The following PCDH9 variants were observed in gnomAD, a reference collection of about 807,000 sequenced individuals.
PCDH9 encodes protocadherin 9, also known as protocadherin-9.
A neutral mutation model predicts 70.6 loss-of-function variants in PCDH9; 24 were observed. The ratio of observed to expected loss-of-function variants is 0.34; its 90% CI spans 0.25 to 0.48. The LOEUF is 0.48. Ranked by LOEUF, PCDH9 falls within the 20% of genes least tolerant of loss-of-function variation. The pLI, the probability that PCDH9 is intolerant of heterozygous loss-of-function variation, is 0.99. For missense variants in PCDH9, 1,281 were observed against 1,503.6 expected (o/e 0.85, Z 2.45); for synonymous variants, 562 against 558.5 (o/e 1.01, Z -0.09).
intron 2 of PCDH9, among the ~76,000 whole-genome samples, chr13:67,140,410 G>C (rs2087352538): frequency 6.6e-6 from 1 of 152,084 alleles, no homozygotes. Context: ...ACTAATTCAA[G>C]TGCTTTGATT....
chr13:66,872,518 A>G lies in PCDH9; in HGVS notation c.3138+30986T>C, dbSNP rs532760097. On this transcript the variant is annotated intron_variant, in intron 3 of 4. Coordinates refer to ENST00000377865, the MANE Select transcript of PCDH9 (RefSeq NM_203487.3). ...CATACAGTCCTAGGAAAAGGAGCAT[A>G]GTAAGTTAAAAAGTTTAAAAACAGC... 1.3e-4 allele frequency among the ~76,000 whole-genome samples: 20 copies of G among 152,284 alleles called. No individual in the cohort carries two copies. In the East Asian group the frequency reaches 3.7e-3, roughly 28 times the overall value.
At chr13:66,689,842 T>C (rs774033186) in intron 3 of PCDH9, among the ~76,000 whole-genome samples, 1 of 152,172 alleles carries the variant, frequency 6.6e-6, no homozygotes, top group Non-Finnish European at 1.5e-5. Context: ...AACAGTACTA[T>C]CCACTTGAGA....
At chr13:67,125,329 C>T (rs2086955700) in intron 2 of PCDH9, among the ~76,000 whole-genome samples, 1 of 152,068 alleles carries the variant, frequency 6.6e-6, no homozygotes, top group East Asian at 1.9e-4. Flanking sequence ...CCAGCGAAAA[C>T]ATAATAAAGG....
At chr13:66,660,399 C>T (rs1231883129) in intron 3 of PCDH9, among the ~76,000 whole-genome samples, 1 of 152,018 alleles carries the variant, frequency 6.6e-6, no homozygotes, top group African/African-American at 2.4e-5. Flanking sequence ...ATAAGGTCTC[C>T]TGAGAATATG....
chr13:66,997,606 C>T (rs1240918276), intron 2 of PCDH9, among the ~76,000 whole-genome samples: 3 of 152,188 alleles, frequency 2.0e-5, no homozygotes, highest in African/African-American at 7.2e-5. Context: ...ACAATCTTGG[C>T]TCACTGCAAA....
intron 3 of PCDH9, among the ~76,000 whole-genome samples, chr13:66,667,515 T>A (rs1331825752): frequency 6.6e-6 from 1 of 152,198 alleles, no homozygotes; most frequent in Non-Finnish European, 1.5e-5. Context: ...CTGCAAGTAC[T>A]GTACCTAGGC....
At chr13:66,307,321 A>G (rs1955485679) in intron 4 of PCDH9, among the ~76,000 whole-genome samples, 1 of 152,112 alleles carries the variant, frequency 6.6e-6, no homozygotes. Context: ...TCTACGAACA[A>G]TGTTAATTGT....
rs958491746 is a variant in PCDH9 at position 66,375,659 on chromosome 13, G to A, written c.3341-70631C>T. ...AAAACACTCTAAATTACAGGCAGAA[G>A]TAAGAAAGTGCATATAACAAATTGA... On this transcript the variant is annotated intron_variant, in intron 4 of 4. Coordinates refer to ENST00000377865, the MANE Select transcript of PCDH9 (RefSeq NM_203487.3). Among the ~76,000 whole-genome samples the A allele has an allele frequency of 3.9e-5, 6 of 152,032 alleles. 1 individual carries two copies. Among genetic ancestry groups the A allele is most frequent in the Admixed American group, 3.9e-4 (6 of 15,238 alleles).
chr13:66,942,182 AT>A (rs2139684427), intron 2 of PCDH9, among the ~76,000 whole-genome samples: 1 of 152,062 alleles, frequency 6.6e-6, no homozygotes, highest in South Asian at 2.1e-4. Context: ...TTTTAGAAAC[AT>A]TTATACCAGA....
intron 3 of PCDH9, among the ~76,000 whole-genome samples, chr13:66,725,537 T>C (rs1195176650): frequency 6.6e-6 from 1 of 152,208 alleles, no homozygotes; most frequent in Admixed American, 6.5e-5. Flanking sequence ...GACTATTGTT[T>C]AGACTGTGAT....
At chr13:66,683,865 G>A (rs1156622810) in intron 3 of PCDH9, among the ~76,000 whole-genome samples, 1 of 151,936 alleles carries the variant, frequency 6.6e-6, no homozygotes, top group East Asian at 1.9e-4. Flanking sequence ...TTTTCACACA[G>A]TCTCCCTAAA....
At chr13:66,758,796 C>T (rs1055766409) in intron 3 of PCDH9, among the ~76,000 whole-genome samples, 37 of 152,102 alleles carry the variant, frequency 2.4e-4, no homozygotes, top group Non-Finnish European at 2.1e-4. Context: ...ATTCAGTCCC[C>T]CTTACTCCTT....
At chr13:66,813,833 G>T (rs1025856906) in intron 3 of PCDH9, among the ~76,000 whole-genome samples, 2 of 151,984 alleles carry the variant, frequency 1.3e-5, no homozygotes, top group Admixed American at 1.3e-4. Flanking sequence ...TAAAATTCAG[G>T]TTCAAAAATA....
intron 4 of PCDH9, among the ~76,000 whole-genome samples, chr13:66,417,591 T>G (rs1231169409): frequency 6.6e-6 from 1 of 152,150 alleles, no homozygotes; most frequent in East Asian, 1.9e-4. Context: ...CACATTGTCT[T>G]CCAAAATGGT....
At chr13:67,156,793 C>G (rs1355882193) in intron 2 of PCDH9, among the ~76,000 whole-genome samples, 1 of 152,154 alleles carries the variant, frequency 6.6e-6, no homozygotes, top group Admixed American at 6.5e-5. Context: ...GGGGCTTCAG[C>G]TGTAAACATT....
chr13:66,910,374 A>G (rs1265065001), intron 2 of PCDH9, among the ~76,000 whole-genome samples: 1 of 150,670 alleles, frequency 6.6e-6, no homozygotes, highest in Non-Finnish European at 1.5e-5. Flanking sequence ...GAAATTAATG[A>G]TAAGATATAT....
intron 3 of PCDH9, among the ~76,000 whole-genome samples, chr13:66,713,625 G>GTATGTATATATATATATATATA (rs2078826995): frequency 9.1e-6 from 1 of 110,012 alleles, no homozygotes; most frequent in Non-Finnish European, 1.8e-5. Flanking sequence ...GTGTGTGTGT[G>GTATGTATATATATATATATATA]TATATATATA....
intron 2 of PCDH9, among the ~76,000 whole-genome samples, chr13:67,112,661 TCCTC>T (rs968182453): frequency 1.3e-5 from 2 of 151,022 alleles, no homozygotes; most frequent in African/African-American, 4.9e-5. Flanking sequence ...CTCCCTCCCT[TCCTC>T]CCTCCCTTCC....
At chr13:66,337,598 AAAACAAAC>A (rs71106965) in intron 4 of PCDH9, among the ~76,000 whole-genome samples, 45,917 of 151,146 alleles carry the variant, frequency 0.3, 7,555 homozygotes, top group Middle Eastern at 0.42. Flanking sequence ...GGTACTTGTT[AAAACAAAC>A]AAACAAACAA....
Sources: allele counts gnomAD v4.1 joint callset (sites outside exome capture counted in the v4.1 genomes callset), GRCh38; gene constraint gnomAD v4.1.1; transcripts MANE v1.5; gene names NCBI Gene and HGNC (gene_info 2026-07-23, HGNC 2026-07-21).